PCDH15: variants seen among roughly 807,000 people sequenced by gnomAD.
The protein encoded by PCDH15 is protocadherin-15.
Under a neutral mutation model 178.5 loss-of-function variants are expected in PCDH15, and 129 were observed. The ratio of observed to expected loss-of-function variants is 0.72; its 90% CI spans 0.63 to 0.84. PCDH15 has a LOEUF of 0.84. Ranked by LOEUF, PCDH15 falls within the 40% of genes least tolerant of loss-of-function variation. The pLI, the probability that PCDH15 is intolerant of heterozygous loss-of-function variation, is 0.00. For synonymous variants in PCDH15, 800 were observed against 732.0 expected (o/e 1.09, Z -1.50); for missense variants, 2,230 against 2,099.9 (o/e 1.06, Z -1.21).
chr10:55,489,982 C>T (rs1318584452), intron 2 of PCDH15, among the ~76,000 whole-genome samples: 1 of 151,612 alleles, frequency 6.6e-6, no homozygotes, highest in African/African-American at 2.4e-5. Context: ...TACCTAAAGA[C>T]CTGCTTTTAC....
intron 2 of PCDH15, among the ~76,000 whole-genome samples, chr10:54,601,717 G>T (rs907520597): frequency 1.3e-5 from 2 of 151,844 alleles, no homozygotes; most frequent in African/African-American, 2.4e-5. Flanking sequence ...TATGATTGAT[G>T]TATTATAAAG....
intron 1 of PCDH15, among the ~76,000 whole-genome samples, chr10:55,193,019 T>A (rs1839986214): frequency 6.6e-6 from 1 of 151,196 alleles, no homozygotes. Context: ...GCAAGATACT[T>A]TAAAAAAGAT....
chr10:54,147,268 A>T (rs2044077692), intron 14 of PCDH15, among the ~76,000 whole-genome samples: 1 of 151,276 alleles, frequency 6.6e-6, no homozygotes, highest in African/African-American at 2.4e-5. Context: ...TTCACCAAAC[A>T]TTCTAAGGTG....
At chr10:53,809,280 T>C (rs753954225) in intron 37 of PCDH15, 2 of 1,614,016 alleles carry the variant, frequency 1.2e-6, no homozygotes, top group South Asian at 2.2e-5. Flanking sequence ...TTTCTGTTGC[T>C]TCCTCTTGGT....
intron 8 of PCDH15, among the ~76,000 whole-genome samples, chr10:54,278,353 G>A (rs1450835426): frequency 1.3e-5 from 2 of 151,532 alleles, no homozygotes; most frequent in Admixed American, 6.6e-5. Context: ...CCTTAGTTAT[G>A]TAAATTTATT....
rs144389299 is a variant in PCDH15, at chr10:55,275,867, A to G, written c.-156+43732T>C. ...CAATTTAAGGCAAGTTGATGACTAC[A>G]CAATATTTATTCTTTATTTCTACCC... On this transcript the variant is annotated intron_variant, in intron 1 of 5. Transcript: ENST00000458638. Among the ~76,000 whole-genome samples, 385 of 151,896 alleles carry G rather than the reference A, an allele frequency of 2.5e-3. 5 individuals are homozygous for G. The highest frequency in any genetic ancestry group is 8.6e-3 in the African/African-American group (357 of 41,466).
intron 2 of PCDH15, among the ~76,000 whole-genome samples, chr10:55,393,059 G>C (rs1422656975): frequency 1.3e-5 from 2 of 151,528 alleles, no homozygotes; most frequent in Non-Finnish European, 1.5e-5. Context: ...TTTAATGAAA[G>C]TCCAAGGGCT....
chr10:54,965,593 T>C (rs983323303), intron 2 of PCDH15, among the ~76,000 whole-genome samples: 2 of 123,598 alleles, frequency 1.6e-5, no homozygotes, highest in Non-Finnish European at 1.6e-5. Flanking sequence ...AGTATGGTTT[T>C]GTGAAACTTT....
At chr10:55,036,224 G>A (rs1265508186) in intron 2 of PCDH15, among the ~76,000 whole-genome samples, 1 of 152,036 alleles carries the variant, frequency 6.6e-6, no homozygotes, top group Non-Finnish European at 1.5e-5. Flanking sequence ...GCTAGATGCT[G>A]ACCTCTTATT....
chr10:54,514,114 AT>A (rs1431686039), intron 3 of PCDH15, among the ~76,000 whole-genome samples: 1 of 152,204 alleles, frequency 6.6e-6, no homozygotes, highest in Non-Finnish European at 1.5e-5. Context: ...ATGTAATAAG[AT>A]TTACAGAGGA....
intron 1 of PCDH15, among the ~76,000 whole-genome samples, chr10:55,170,798 C>T (rs2132122913): frequency 6.6e-6 from 1 of 152,162 alleles, no homozygotes; most frequent in East Asian, 1.9e-4. Flanking sequence ...AGGAGAATTC[C>T]TTGAACCTGG....
chr10:53,876,209 G>GAC (rs2080228179), intron 26 of PCDH15, among the ~76,000 whole-genome samples: 2 of 45,674 alleles, frequency 4.4e-5, no homozygotes, highest in Non-Finnish European at 1.0e-4. Flanking sequence ...TTTTTTTTTT[G>GAC]ACACAGTCTT....
rs376498888 is a variant in PCDH15 at position 55,187,055 on chromosome 10, G to A, written c.-155-20404C>T. Reference sequence around the variant, plus strand: ...TTTCTATATTTAATCAATATTTATTGAGAACCTATTATACCTATTCCTCTT... The same window carrying A: ...TTTCTATATTTAATCAATATTTATTAAGAACCTATTATACCTATTCCTCTT... On this transcript the variant is annotated intron_variant, in intron 1 of 5. Transcript: ENST00000458638. Among the ~76,000 whole-genome samples the A allele has an allele frequency of 2.5e-4, 38 of 151,880 alleles. No individual in the cohort carries two copies. The East Asian group carries it at 4.8e-3, about 19-fold the overall frequency.
At chr10:53,949,863 T>C (rs1381784343) in intron 23 of PCDH15, among the ~76,000 whole-genome samples, 2 of 152,246 alleles carry the variant, frequency 1.3e-5, no homozygotes, top group Non-Finnish European at 1.5e-5. Context: ...TTTCATAGTT[T>C]ACAAAAATGA....
At chr10:54,305,939 T>C (rs1468522661) in intron 8 of PCDH15, among the ~76,000 whole-genome samples, 1 of 151,948 alleles carries the variant, frequency 6.6e-6, no homozygotes, top group African/African-American at 2.4e-5. Flanking sequence ...TAGAAGCAGA[T>C]GGGATGAGGC....
intron 1 of PCDH15, among the ~76,000 whole-genome samples, chr10:55,241,744 T>G (rs1841548015): frequency 1.3e-5 from 2 of 152,166 alleles, no homozygotes; most frequent in Non-Finnish European, 2.9e-5. Flanking sequence ...TTTCTGGACC[T>G]TCTCATAATC....
chr10:54,444,773 T>C (rs1279353186), intron 3 of PCDH15, among the ~76,000 whole-genome samples: 1 of 151,690 alleles, frequency 6.6e-6, no homozygotes, highest in East Asian at 1.9e-4. Context: ...CATGAGCACC[T>C]TGGTTTAGTC....
In PCDH15 at chr10:53,835,054, TC is replaced by T. The variant is rs1385893394; in HGVS notation, c.3984-3522del. ...AATCAAGCAAATCATGGTTAGATCA[TC>T]AACTATTTTCTTTTCACAGTTTCAT... On this transcript the variant is annotated intron_variant, in intron 29 of 37. Transcript: ENST00000644397. Among the ~76,000 whole-genome samples the T allele has an allele frequency of 6.6e-5, 10 of 152,318 alleles. No individual in the cohort carries two copies. The South Asian group carries it at 1.7e-3, about 25-fold the overall frequency.
At chr10:55,411,379 TTACCAATTATATGTAATA>T (rs538910862) in intron 2 of PCDH15, among the ~76,000 whole-genome samples, 267 of 152,218 alleles carry the variant, frequency 1.8e-3, no homozygotes, top group African/African-American at 6.1e-3. Context: ...ACAAATATTA[TTACCAATTATATGTAATA>T]TACCATGTTT....
Sources: gnomAD v4.1 joint callset for allele counts (sites outside exome capture counted in the v4.1 genomes callset) on GRCh38, gnomAD v4.1.1 for gene constraint, MANE v1.5 for transcripts, NCBI Gene and HGNC (gene_info 2026-07-23, HGNC 2026-07-21) for gene names.